The following NEK11 variants were observed in gnomAD, a reference collection of about 807,000 sequenced individuals.
The protein encoded by NEK11 is NIMA related kinase 11.
A neutral mutation model predicts 80.7 loss-of-function variants in NEK11; 72 were observed. That is an observed-to-expected ratio of 0.89 (90% CI 0.74 to 1.08). The LOEUF (loss-of-function observed/expected upper bound fraction) is 1.08, where lower values mean the gene tolerates loss of function less well. Among genes scored for constraint, NEK11 ranks in the 50% least tolerant of loss-of-function variants. NEK11 has a pLI of 0.00. For synonymous variants in NEK11, 251 were observed against 260.7 expected, an observed-to-expected ratio of 0.96 and a Z score of 0.36; for missense variants, 764 against 763.6, an observed-to-expected ratio of 1.00 and a Z score of -0.01.
At chr3:131,187,709 G>A (rs963160693) in intron 14 of NEK11, among the ~76,000 whole-genome samples, 106 of 152,106 alleles carry the variant, frequency 7.0e-4, no homozygotes, top group Non-Finnish European at 1.2e-3. Context: ...AGGTGTTTTG[G>A]TTGAAGTCCT....
At chr3:131,258,232 G>C (rs2095851966) in intron 16 of NEK11, among the ~76,000 whole-genome samples, 1 of 152,028 alleles carries the variant, frequency 6.6e-6, no homozygotes. Flanking sequence ...CTCTAGTGAT[G>C]GGTGCACCCA....
chr3:131,069,568 G>A (rs2072811683), intron 3 of NEK11, among the ~76,000 whole-genome samples: 1 of 151,856 alleles, frequency 6.6e-6, no homozygotes. Flanking sequence ...CAAAGACTTG[G>A]AACCAACCCA....
At chr3:131,189,177 C>A (rs1014416889) in intron 14 of NEK11, among the ~76,000 whole-genome samples, 1 of 152,094 alleles carries the variant, frequency 6.6e-6, no homozygotes, top group Non-Finnish European at 1.5e-5. Context: ...AGGAACCAAC[C>A]CTGCCAGTGC....
intron 7 of NEK11, among the ~76,000 whole-genome samples, chr3:131,148,321 C>G (rs2088824703): frequency 6.6e-6 from 1 of 151,876 alleles, no homozygotes; most frequent in Non-Finnish European, 1.5e-5. Flanking sequence ...AAAACATTTG[C>G]TCGTAATTTT....
chr3:131,151,539 G>C (rs373490238), intron 7 of NEK11, among the ~76,000 whole-genome samples: 2 of 151,928 alleles, frequency 1.3e-5, no homozygotes, highest in South Asian at 2.1e-4. Context: ...ACTTACACAA[G>C]GTCAATCACA....
At chr3:131,068,651 C>G (rs2072538059) in intron 3 of NEK11, among the ~76,000 whole-genome samples, 1 of 152,188 alleles carries the variant, frequency 6.6e-6, no homozygotes, top group African/African-American at 2.4e-5. Flanking sequence ...CACAGCATCT[C>G]TGTGACTGTA....
intron 17 of NEK11, among the ~76,000 whole-genome samples, chr3:131,345,046 C>T (rs964190879): frequency 2.6e-5 from 4 of 152,064 alleles, no homozygotes; most frequent in African/African-American, 4.8e-5. Flanking sequence ...TTATTATTTG[C>T]ATCTTTTCTT....
At chr3:131,262,464 G>A (rs563633509) in intron 16 of NEK11, among the ~76,000 whole-genome samples, 63 of 152,134 alleles carry the variant, frequency 4.1e-4, no homozygotes, top group African/African-American at 1.4e-3. Flanking sequence ...CATGTTATCC[G>A]CAAATTGAGA....
intron 9 of NEK11, among the ~76,000 whole-genome samples, chr3:131,153,035 C>T (rs1579183804): frequency 6.6e-6 from 1 of 151,938 alleles, no homozygotes; most frequent in African/African-American, 2.4e-5. Context: ...TGCAGTGAGC[C>T]GAGATTGCGC....
chr3:131,133,915 G>A lies in NEK11; in HGVS notation c.606G>A (p.Glu202=). 5.0e-6 allele frequency: 8 copies of A among 1,612,276 alleles called. No homozygotes were observed. The highest frequency in any genetic ancestry group is 6.8e-6 in the Non-Finnish European group (8 of 1,178,906). The change falls in exon 7 of 18, where the codon GAG becomes GAA. Residue 202 remains glutamate, a synonymous_variant. Coordinates refer to ENST00000383366, the MANE Select transcript of NEK11 (RefSeq NM_024800.5). The stretch of plus-strand genomic sequence containing the variant: ...GAACTCCCCATTATATGAGTCCTGA[G>A]GCTCTGAAACACCAAGGCTATGACA... ...LTGTPHYMSP[E]ALKHQGYDTK...
Position 131,133,972 on chromosome 3 carries a change from G to A in NEK11, c.647+16G>A. 6.3e-7 allele frequency: 1 copy of A among 1,577,268 alleles called. No individual in the cohort carries two copies. The highest frequency in any genetic ancestry group is 8.6e-7 in the Non-Finnish European group (1 of 1,162,526). Reference sequence around the variant, plus strand: ...CGGACATCTGGTGAGTGGGCTAGTGGGCTAGACTCTTCATCTGCTTCCCTA... The same window carrying A: ...CGGACATCTGGTGAGTGGGCTAGTGAGCTAGACTCTTCATCTGCTTCCCTA... On this transcript the variant is annotated intron_variant, in intron 7 of 17. Transcript: ENST00000383366.
chr3:131,332,861 G>T (rs2097115236), intron 17 of NEK11, among the ~76,000 whole-genome samples: 1 of 152,192 alleles, frequency 6.6e-6, no homozygotes, highest in Admixed American at 6.5e-5. Context: ...GGAAGAAAGG[G>T]TATCAGTGAT....
At chr3:131,093,672 C>T (rs902228033) in intron 4 of NEK11, among the ~76,000 whole-genome samples, 1 of 152,128 alleles carries the variant, frequency 6.6e-6, no homozygotes, top group African/African-American at 2.4e-5. Context: ...TTCCAAAGTG[C>T]TGGGATTACA....
At chr3:131,267,080 G>A (rs1190508153) in intron 16 of NEK11, among the ~76,000 whole-genome samples, 1 of 152,102 alleles carries the variant, frequency 6.6e-6, no homozygotes, top group Non-Finnish European at 1.5e-5. Context: ...GCCTATGTGT[G>A]TCTCTGCATG....
intron 14 of NEK11, among the ~76,000 whole-genome samples, chr3:131,212,064 C>G (rs2094640162): frequency 6.6e-6 from 1 of 152,168 alleles, no homozygotes; most frequent in Admixed American, 6.5e-5. Flanking sequence ...TTAGAATTAT[C>G]AGACTTTCTT....
At chr3:131,305,116 G>C (rs1472554974) in intron 17 of NEK11, among the ~76,000 whole-genome samples, 1 of 151,750 alleles carries the variant, frequency 6.6e-6, no homozygotes, top group Non-Finnish European at 1.5e-5. Flanking sequence ...GGGGGCAGTG[G>C]GGTACGCTCA....
chr3:131,069,037 A>G (rs1269123938), intron 3 of NEK11, among the ~76,000 whole-genome samples: 1 of 152,160 alleles, frequency 6.6e-6, no homozygotes, highest in Non-Finnish European at 1.5e-5. Context: ...TTAGAATTAT[A>G]AACTTTTGCT....
chr3:131,135,961 T>C (rs2085478816), intron 7 of NEK11, among the ~76,000 whole-genome samples: 1 of 152,084 alleles, frequency 6.6e-6, no homozygotes, highest in Non-Finnish European at 1.5e-5. Flanking sequence ...ATGTCAGTGT[T>C]ATTTCTTTTT....
intron 4 of NEK11, among the ~76,000 whole-genome samples, chr3:131,095,587 T>C (rs1390349023): frequency 6.6e-6 from 1 of 152,174 alleles, no homozygotes; most frequent in Non-Finnish European, 1.5e-5. Flanking sequence ...GACTATCAAG[T>C]TTCTGGGAAT....
Sources: allele counts gnomAD v4.1 joint callset (sites outside exome capture counted in the v4.1 genomes callset), GRCh38; gene constraint gnomAD v4.1.1; transcripts MANE v1.5; gene names NCBI Gene and HGNC (gene_info 2026-07-23, HGNC 2026-07-21).